The following RIT2 variants were observed in gnomAD, a reference collection of about 807,000 sequenced individuals.
RIT2 encodes the protein Ras like without CAAX 2.
Under a neutral mutation model 23.7 loss-of-function variants are expected in RIT2, and 24 were observed. The observed-to-expected ratio is 1.01, with a 90% CI of 0.73 to 1.43. The LOEUF (loss-of-function observed/expected upper bound fraction) is 1.43, where lower values mean the gene tolerates loss of function less well. Among genes scored for constraint, RIT2 ranks in the 40% most tolerant of loss-of-function variants. The pLI is 0.00. For missense variants in RIT2, 236 were observed against 266.9 expected, an observed-to-expected ratio of 0.88 and a Z score of 0.81; for synonymous variants, 107 against 91.1, an observed-to-expected ratio of 1.17 and a Z score of -0.99.
chr18:42,867,724 G>A (rs1413876388), intron 4 of RIT2, among the ~76,000 whole-genome samples: 1 of 152,088 alleles, frequency 6.6e-6, no homozygotes, highest in Non-Finnish European at 1.5e-5. Flanking sequence ...AGTCCAGGAG[G>A]TCGAGGCTTC....
chr18:42,805,794 C>G (rs1905666736), intron 4 of RIT2, among the ~76,000 whole-genome samples: 1 of 151,948 alleles, frequency 6.6e-6, no homozygotes, highest in South Asian at 2.1e-4. Context: ...TTCTAACTGT[C>G]CCTTACTCAA....
intron 4 of RIT2, among the ~76,000 whole-genome samples, chr18:42,831,574 T>C (rs893387118): frequency 6.6e-6 from 1 of 152,046 alleles, no homozygotes; most frequent in South Asian, 2.1e-4. Context: ...CGGGGCTTGT[T>C]TGAGGTCTTA....
chr18:42,745,608 T>A (rs950142172), intron 4 of RIT2, among the ~76,000 whole-genome samples: 4 of 152,182 alleles, frequency 2.6e-5, no homozygotes, highest in African/African-American at 9.6e-5. Flanking sequence ...CATGCCAATT[T>A]TTTTTAGCTC....
intron 4 of RIT2, among the ~76,000 whole-genome samples, chr18:42,777,898 T>C (rs1450175828): frequency 1.3e-5 from 2 of 152,214 alleles, no homozygotes; most frequent in Non-Finnish European, 2.9e-5. Context: ...AATAATCATA[T>C]ATATTTAAAA....
At chr18:42,996,298 A>G (rs901083487) in intron 2 of RIT2, among the ~76,000 whole-genome samples, 1 of 152,108 alleles carries the variant, frequency 6.6e-6, no homozygotes, top group Admixed American at 6.6e-5. Flanking sequence ...CCTGAGAAAC[A>G]TCGCCCATTA....
chr18:43,064,044 A>G (rs1912714713), intron 1 of RIT2, among the ~76,000 whole-genome samples: 1 of 152,204 alleles, frequency 6.6e-6, no homozygotes, highest in Admixed American at 6.5e-5. Context: ...CAGCAGTGGC[A>G]ATACTGGAAG....
chr18:42,757,980 T>G lies in RIT2; in HGVS notation c.427-14260A>C, dbSNP rs116122580. Among the ~76,000 whole-genome samples the G allele has an allele frequency of 6.7e-3, 1,021 of 152,112 alleles. 11 individuals carry two copies. The highest frequency in any genetic ancestry group is 0.024 in the African/African-American group (979 of 41,488). ...ACTGATTCTTGTCAAGTTTGATACCTCTATCTGGGCTGAATAACCTTTTTT... is the reference window on the plus strand; with the variant it reads ...ACTGATTCTTGTCAAGTTTGATACCGCTATCTGGGCTGAATAACCTTTTTT... On this transcript the variant is annotated intron_variant, in intron 4 of 4. Coordinates refer to ENST00000326695, the MANE Select transcript of RIT2 (RefSeq NM_002930.4).
At chr18:42,806,905 C>T (rs1431929134) in intron 4 of RIT2, among the ~76,000 whole-genome samples, 1 of 152,116 alleles carries the variant, frequency 6.6e-6, no homozygotes, top group African/African-American at 2.4e-5. Flanking sequence ...AAATTATAAA[C>T]AGGATTTTCT....
chr18:42,871,864 C>T (rs1452449170), intron 4 of RIT2, among the ~76,000 whole-genome samples: 3 of 152,154 alleles, frequency 2.0e-5, no homozygotes. Flanking sequence ...AGTAACAAGA[C>T]TTATTTCAAA....
intron 4 of RIT2, among the ~76,000 whole-genome samples, chr18:42,801,029 T>C (rs556347491): frequency 6.6e-6 from 1 of 152,234 alleles, no homozygotes; most frequent in East Asian, 1.9e-4. Flanking sequence ...TAATCTTTAA[T>C]GGAAAGTAGA....
intron 1 of RIT2, among the ~76,000 whole-genome samples, chr18:43,057,445 T>C (rs1912530222): frequency 1.3e-5 from 2 of 152,318 alleles, no homozygotes; most frequent in South Asian, 4.1e-4. Context: ...ACTTTCTTAA[T>C]ATTACTTCGC....
intron 4 of RIT2, among the ~76,000 whole-genome samples, chr18:42,855,184 T>C (rs1907150057): frequency 6.6e-6 from 1 of 152,184 alleles, no homozygotes; most frequent in Non-Finnish European, 1.5e-5. Context: ...TTTATGAGAT[T>C]TCAACACAGT....
chr18:42,782,994 G>T (rs960962729), intron 4 of RIT2, among the ~76,000 whole-genome samples: 2 of 152,058 alleles, frequency 1.3e-5, no homozygotes, highest in Admixed American at 6.6e-5. Context: ...AGTTATACAT[G>T]AGCAAACATA....
chr18:42,787,614 T>C (rs1913952541), intron 4 of RIT2, among the ~76,000 whole-genome samples: 1 of 152,172 alleles, frequency 6.6e-6, no homozygotes, highest in South Asian at 2.1e-4. Flanking sequence ...ATAAGTTCTT[T>C]GATACCATGA....
intron 1 of RIT2, among the ~76,000 whole-genome samples, chr18:43,062,568 C>T (rs1912672943): frequency 6.6e-6 from 1 of 152,128 alleles, no homozygotes; most frequent in African/African-American, 2.4e-5. Context: ...GCATACATAG[C>T]TTCAGAGACT....
intron 2 of RIT2, among the ~76,000 whole-genome samples, chr18:43,021,227 C>T (rs973592094): frequency 2.6e-5 from 4 of 151,820 alleles, no homozygotes; most frequent in East Asian, 1.9e-4. Flanking sequence ...GCACAGAACT[C>T]GAAAGGATAT....
intron 3 of RIT2, among the ~76,000 whole-genome samples, chr18:42,952,787 T>C (rs1944404): frequency 0.21 from 32,109 of 151,984 alleles, 3,940 homozygotes; most frequent in East Asian, 0.6. Flanking sequence ...TAAAGAATAA[T>C]TTAGGCCACC....
chr18:42,760,677 A>G (rs1913279274), intron 4 of RIT2, among the ~76,000 whole-genome samples: 1 of 152,198 alleles, frequency 6.6e-6, no homozygotes, highest in African/African-American at 2.4e-5. Flanking sequence ...AATTACATAT[A>G]TGCTCTAATA....
At chr18:42,768,283 G>T (rs1913472470) in intron 4 of RIT2, among the ~76,000 whole-genome samples, 3 of 152,106 alleles carry the variant, frequency 2.0e-5, no homozygotes, top group Admixed American at 2.0e-4. Context: ...TCTAAATCAG[G>T]ATGGCAGGCT....
Sources: allele counts gnomAD v4.1 joint callset (sites outside exome capture counted in the v4.1 genomes callset), GRCh38; gene constraint gnomAD v4.1.1; transcripts MANE v1.5; gene names NCBI Gene and HGNC (gene_info 2026-07-23, HGNC 2026-07-21).